RFX7: variants seen among roughly 807,000 people sequenced by gnomAD.
RFX7 encodes regulatory factor X7.
RFX7 carries 26 observed loss-of-function variants against 111.8 expected under a neutral mutation model. That is an observed-to-expected ratio of 0.23 (90% CI 0.17 to 0.32). The LOEUF is 0.32. RFX7 is among the 10% of genes least tolerant of loss of function. The probability of loss-of-function intolerance (pLI) is 1.00; values close to 1 mark genes in which losing one functional copy is unlikely to be tolerated. For missense variants in RFX7, 1,573 were observed against 1,772.9 expected (o/e 0.89, Z 2.02); for synonymous variants, 624 against 624.4 (o/e 1.00, Z 0.01).
rs185858644 is a variant in RFX7 at position 56,115,581 on chromosome 15, T to C, written c.402-11911A>G. Among the ~76,000 whole-genome samples the C allele has an allele frequency of 5.9e-5, 9 of 152,312 alleles. No individual in the cohort carries two copies. The East Asian group carries it at 1.5e-3, about 26-fold the overall frequency. Reference sequence around the variant, plus strand: ...TATATTGATCATACTCTACATATAGTATGAGCTCTCTTTGTATACATACTT... The same window carrying C: ...TATATTGATCATACTCTACATATAGCATGAGCTCTCTTTGTATACATACTT... On this transcript the variant is annotated intron_variant, in intron 5 of 9. Coordinates refer to ENST00000559447, the MANE Select transcript of RFX7 (RefSeq NM_022841.7).
chr15:56,121,442 A>G (rs535706775), intron 5 of RFX7, among the ~76,000 whole-genome samples: 1 of 152,226 alleles, frequency 6.6e-6, no homozygotes, highest in East Asian at 1.9e-4. Context: ...TGTATAGGGC[A>G]AGAGATAGGG....
chr15:56,214,539 C>A (rs1019564231), intron 2 of RFX7, among the ~76,000 whole-genome samples: 1 of 151,652 alleles, frequency 6.6e-6, no homozygotes, highest in South Asian at 2.1e-4. Flanking sequence ...CATGGTGAAA[C>A]CCCGCCTCTA....
chr15:56,204,699 G>A (rs1046590441), intron 2 of RFX7, among the ~76,000 whole-genome samples: 2 of 152,128 alleles, frequency 1.3e-5, no homozygotes, highest in Admixed American at 6.6e-5. Flanking sequence ...CTACATTCAA[G>A]TAATAATGGC....
chr15:56,218,694 C>A (rs541765866), intron 2 of RFX7, among the ~76,000 whole-genome samples: 4 of 152,276 alleles, frequency 2.6e-5, no homozygotes, highest in African/African-American at 9.6e-5. Context: ...GCGATAATCA[C>A]CTCCATCCAA....
rs564043271 is a variant in RFX7, at chr15:56,159,580, T to C, written c.196-15097A>G. 3.4e-4 allele frequency among the ~76,000 whole-genome samples: 52 copies of C among 152,296 alleles called. 1 individual carries two copies. In the South Asian group the frequency reaches 0.011, roughly 31 times the overall value. On this transcript the variant is annotated intron_variant, in intron 3 of 9. Transcript: ENST00000559447. ...AGCTGTGCTACTAGAGAGAAAGAAA[T>C]AATCAATCTAAGCAGAATAGTTCAG... is the stretch of plus-strand genomic sequence containing the variant.
chr15:56,110,314 A>G (rs1332807072), intron 5 of RFX7, among the ~76,000 whole-genome samples: 10 of 4,678 alleles, frequency 2.1e-3, no homozygotes, highest in African/African-American at 2.6e-3. Context: ...TCCGGGAGGG[A>G]GGTGGGGGGG....
chr15:56,166,383 C>A (rs967622358), intron 3 of RFX7, among the ~76,000 whole-genome samples: 1 of 152,102 alleles, frequency 6.6e-6, no homozygotes, highest in African/African-American at 2.4e-5. Context: ...CTAATAACTC[C>A]AAAGCAAAAC....
chr15:56,160,394 C>A (rs1328011984), intron 3 of RFX7, among the ~76,000 whole-genome samples: 3 of 150,064 alleles, frequency 2.0e-5, no homozygotes, highest in African/African-American at 7.4e-5. Flanking sequence ...TTGGAATAGT[C>A]AGCTTAAATT....
At chr15:56,140,802 A>G (rs1232590319) in intron 5 of RFX7, among the ~76,000 whole-genome samples, 1 of 152,238 alleles carries the variant, frequency 6.6e-6, no homozygotes, top group Non-Finnish European at 1.5e-5. Context: ...GGAATCTTTG[A>G]AAAAGATTTC....
intron 2 of RFX7, among the ~76,000 whole-genome samples, chr15:56,201,370 A>G (rs1462338065): frequency 6.6e-6 from 1 of 152,242 alleles, no homozygotes; most frequent in African/African-American, 2.4e-5. Context: ...GATAGTTAAT[A>G]TTAAAATTCT....
Position 56,128,968 on chromosome 15 carries a change from TA to T in RFX7, c.401+13809del, listed in dbSNP as rs542652232. ...CACTTCAATCAAAAATATTGAGCAA[TA>T]AATTTAGCAAAAGAAGATTAAGATG... On this transcript the variant is annotated intron_variant, in intron 5 of 9. Transcript: ENST00000559447. Among the ~76,000 whole-genome samples, 375 of 152,078 alleles carry T rather than the reference TA, an allele frequency of 2.5e-3. 1 individual carries two copies. Among genetic ancestry groups the T allele is most frequent in the Middle Eastern group, 6.8e-3 (2 of 294 alleles).
At chr15:56,111,249 G>A (rs1454449137) in intron 5 of RFX7, among the ~76,000 whole-genome samples, 77 of 150,028 alleles carry the variant, frequency 5.1e-4, no homozygotes, top group African/African-American at 1.6e-3. Flanking sequence ...GATGGTTGCC[G>A]TGTCTGTGTA....
intron 2 of RFX7, among the ~76,000 whole-genome samples, chr15:56,209,341 A>G (rs1213626852): frequency 4.6e-5 from 7 of 152,004 alleles, no homozygotes; most frequent in African/African-American, 1.7e-4. Flanking sequence ...TGTTCTTTCA[A>G]AAGTGAAGAA....
At chr15:56,168,024 A>G (rs150880539) in intron 3 of RFX7, among the ~76,000 whole-genome samples, 1 of 152,212 alleles carries the variant, frequency 6.6e-6, no homozygotes, top group African/African-American at 2.4e-5. Context: ...ATACTTCAGA[A>G]AATCTGTAAA....
chr15:56,204,803 T>C (rs565650324), intron 2 of RFX7, among the ~76,000 whole-genome samples: 2 of 152,218 alleles, frequency 1.3e-5, no homozygotes, highest in East Asian at 1.9e-4. Flanking sequence ...CTTAATGAAA[T>C]CAAATGCGAG....
At chr15:56,109,238 G>C (rs1195874946) in intron 5 of RFX7, among the ~76,000 whole-genome samples, 1 of 152,240 alleles carries the variant, frequency 6.6e-6, no homozygotes, top group African/African-American at 2.4e-5. Context: ...GGTGGAGACG[G>C]GGTTTCGCTG....
chr15:56,098,671 G>T (rs563637932), intron 8 of RFX7, among the ~76,000 whole-genome samples: 1 of 152,162 alleles, frequency 6.6e-6, no homozygotes, highest in Admixed American at 6.5e-5. Context: ...TAGCTATATC[G>T]TAAATGTGCA....
intron 3 of RFX7, among the ~76,000 whole-genome samples, chr15:56,173,879 G>A (rs1286912958): frequency 2.6e-5 from 4 of 152,118 alleles, no homozygotes; most frequent in African/African-American, 9.7e-5. Flanking sequence ...GAAACAAAAT[G>A]ATAAGATGAT....
At chr15:56,163,567 C>G (rs1315026029) in intron 3 of RFX7, among the ~76,000 whole-genome samples, 1 of 152,066 alleles carries the variant, frequency 6.6e-6, no homozygotes, top group Non-Finnish European at 1.5e-5. Context: ...AAAAGTAAAA[C>G]ATATGTTACA....
Sources: gnomAD v4.1 joint callset for allele counts (sites outside exome capture counted in the v4.1 genomes callset) on GRCh38, gnomAD v4.1.1 for gene constraint, MANE v1.5 for transcripts, NCBI Gene and HGNC (gene_info 2026-07-23, HGNC 2026-07-21) for gene names.